CRISP1: variants seen among roughly 807,000 people sequenced by gnomAD.
The protein encoded by CRISP1 is cysteine-rich secretory protein 1.
In CRISP1, 44 loss-of-function variants were observed where a neutral mutation model predicts 33.1. The observed-to-expected ratio is 1.33, with a 90% confidence interval of 1.05 to 1.71. CRISP1 has a LOEUF of 1.71. CRISP1 is among the 40% of genes most tolerant of loss of function. The pLI, the probability that CRISP1 is intolerant of heterozygous loss-of-function variation, is 0.00. For missense variants in CRISP1, 390 were observed against 301.2 expected, an observed-to-expected ratio of 1.29 and a Z score of -2.18; for synonymous variants, 103 against 98.7, an observed-to-expected ratio of 1.04 and a Z score of -0.26.
chr6:49,873,131 C>G (rs1374221899), intron 1 of CRISP1, among the ~76,000 whole-genome samples: 1 of 151,740 alleles, frequency 6.6e-6, no homozygotes, highest in South Asian at 2.1e-4. Context: ...GTTAACTAAC[C>G]TGCACACTGT....
intron 5 of CRISP1, among the ~76,000 whole-genome samples, chr6:49,842,973 T>C (rs1202504146): frequency 1.3e-5 from 2 of 152,204 alleles, no homozygotes; most frequent in Non-Finnish European, 2.9e-5. Flanking sequence ...AGAGAAATCA[T>C]TTTGATAAAA....
At chr6:49,875,101 G>T (rs1772007819) in intron 1 of CRISP1, among the ~76,000 whole-genome samples, 1 of 151,932 alleles carries the variant, frequency 6.6e-6, no homozygotes, top group Non-Finnish European at 1.5e-5. Context: ...ATTTAAATAG[G>T]AATAGAGGAA....
At chr6:49,852,857 T>C (rs1484788746) in intron 2 of CRISP1, among the ~76,000 whole-genome samples, 1 of 147,432 alleles carries the variant, frequency 6.8e-6, no homozygotes, top group Non-Finnish European at 1.5e-5. Context: ...TGTGTGTGTG[T>C]GTGTGTGTGT....
intron 6 of CRISP1, 149 bp downstream of exon 6, chr6:49,840,749 A>G: frequency 1.8e-6 from 1 of 562,702 alleles, no homozygotes; most frequent in Non-Finnish European, 3.1e-6. Flanking sequence ...GTAACCATTC[A>G]TCTTTGAAGG....
intron 1 of CRISP1, among the ~76,000 whole-genome samples, chr6:49,875,438 A>C (rs556546983): frequency 1.3e-5 from 2 of 152,286 alleles, no homozygotes; most frequent in East Asian, 3.9e-4. Context: ...GCTCATGGAT[A>C]GGAAGAATCG....
At chr6:49,841,044 T>C (rs1280080231) in intron 5 of CRISP1, 49 bp from the exon 6 acceptor site, 2 of 1,438,784 alleles carry the variant, frequency 1.4e-6, no homozygotes, top group Admixed American at 3.4e-5. Context: ...TTTTACTAAA[T>C]GACTATAATA....
intron 5 of CRISP1, among the ~76,000 whole-genome samples, chr6:49,842,679 GC>G (rs1480309096): frequency 2.0e-5 from 3 of 152,030 alleles, no homozygotes; most frequent in African/African-American, 7.2e-5. Context: ...CCTGTATTCT[GC>G]TACTTGCCCT....
chr6:49,867,664 G>A (rs1230036333), upstream of CRISP1, among the ~76,000 whole-genome samples: 2 of 151,960 alleles, frequency 1.3e-5, no homozygotes, highest in Non-Finnish European at 1.5e-5. Context: ...CTGCAGGAAA[G>A]GAGAACTAAA....
Position 49,875,366 on chromosome 6 carries a change from G to C in CRISP1, c.-3+1643C>G, listed in dbSNP as rs555508472. On this transcript the variant is annotated intron_variant, in intron 1 of 7. Transcript: ENST00000505118. ...AGGAAGTGAAGGACTTCATCAAGGAGAACTACAAACTACTGCTCAAACAAA... is the reference window on the plus strand; with the variant it reads ...AGGAAGTGAAGGACTTCATCAAGGACAACTACAAACTACTGCTCAAACAAA... 6.6e-5 allele frequency among the ~76,000 whole-genome samples: 10 copies of C among 151,864 alleles called. No homozygotes were observed. In the South Asian group the frequency reaches 2.1e-3, roughly 32 times the overall value.
At chr6:49,869,154 T>A (rs1015575054), upstream of CRISP1, among the ~76,000 whole-genome samples, 2 of 152,148 alleles carry the variant, frequency 1.3e-5, no homozygotes, top group Admixed American at 1.3e-4. Context: ...GCACATTTGG[T>A]TTATGGTGCC....
At chr6:49,856,004 A>T in intron 2 of CRISP1, among the ~76,000 whole-genome samples, 1 of 152,332 alleles carries the variant, frequency 6.6e-6, no homozygotes, top group South Asian at 2.1e-4. Flanking sequence ...TATCTATAAA[A>T]TGTATGAAAA....
At chr6:49,853,883 A>G (rs1258468215) in intron 2 of CRISP1, among the ~76,000 whole-genome samples, 1 of 152,166 alleles carries the variant, frequency 6.6e-6, no homozygotes, top group Non-Finnish European at 1.5e-5. Flanking sequence ...GCATTGCCAG[A>G]AAAATGTCTC....
intron 2 of CRISP1, among the ~76,000 whole-genome samples, chr6:49,854,013 C>T (rs1771425704): frequency 6.6e-6 from 1 of 152,154 alleles, no homozygotes; most frequent in Admixed American, 6.5e-5. Flanking sequence ...TGTCACTCTC[C>T]ACATTATTGT....
chr6:49,875,688 T>C lies in CRISP1; in HGVS notation c.-3+1321A>G, dbSNP rs1387675337. Among the ~76,000 whole-genome samples, 4 of 152,122 alleles carry C rather than the reference T, an allele frequency of 2.6e-5. No individual in the cohort carries two copies. The East Asian group carries it at 7.7e-4, about 29-fold the overall frequency. On this transcript the variant is annotated intron_variant, in intron 1 of 7. Transcript: ENST00000505118. ...AGTAATCAAAACAGCATGGTACTGGTACAAGAACAGATACATAGACCAGTG... is the reference window on the plus strand; with the variant it reads ...AGTAATCAAAACAGCATGGTACTGGCACAAGAACAGATACATAGACCAGTG...
intron 7 of CRISP1, among the ~76,000 whole-genome samples, chr6:49,837,720 A>G (rs572623690): frequency 3.0e-4 from 46 of 152,116 alleles, no homozygotes; most frequent in African/African-American, 1.1e-3. Flanking sequence ...TCTAAGGTTT[A>G]TTTTTTTCTC....
intron 3 of CRISP1, among the ~76,000 whole-genome samples, chr6:49,849,326 T>G (rs1178375570): frequency 1.3e-5 from 2 of 152,188 alleles, no homozygotes; most frequent in Non-Finnish European, 2.9e-5. Context: ...GAGGCTTTCC[T>G]GATCACCACA....
At chr6:49,872,279 C>A (rs1257015665) in intron 1 of CRISP1, among the ~76,000 whole-genome samples, 1 of 151,658 alleles carries the variant, frequency 6.6e-6, no homozygotes, top group African/African-American at 2.4e-5. Flanking sequence ...TGTTTGAGTT[C>A]ATTGTAGATT....
intron 2 of CRISP1, among the ~76,000 whole-genome samples, chr6:49,852,829 C>A (rs548674346): frequency 4.2e-4 from 63 of 148,562 alleles, no homozygotes; most frequent in African/African-American, 1.2e-3. Context: ...TAGCATTAAT[C>A]GCTATAAAGA....
At chr6:49,850,894 T>A (rs555764813) in intron 3 of CRISP1, among the ~76,000 whole-genome samples, 1 of 152,278 alleles carries the variant, frequency 6.6e-6, no homozygotes, top group South Asian at 2.1e-4. Context: ...TCCTCAGATC[T>A]GGCCCACTTG....
Sources: gnomAD v4.1 joint callset for allele counts (sites outside exome capture counted in the v4.1 genomes callset) on GRCh38, gnomAD v4.1.1 for gene constraint, MANE v1.5 for transcripts, NCBI Gene and HGNC (gene_info 2026-07-23, HGNC 2026-07-21) for gene names.